Variants in SFRP2 observed in about 807,000 individuals in gnomAD.
SFRP2 encodes secreted frizzled-related protein 2.
SFRP2 carries 16 observed loss-of-function variants against 26.0 expected under a neutral mutation model. That is an observed-to-expected ratio of 0.61 (90% CI 0.42 to 0.93). SFRP2 has a LOEUF of 0.93. Ranked by LOEUF, SFRP2 falls within the 40% of genes least tolerant of loss-of-function variation. The pLI, the probability that SFRP2 is intolerant of heterozygous loss-of-function variation, is 0.00. For synonymous variants in SFRP2, 173 were observed against 167.3 expected (o/e 1.03, Z -0.26); for missense variants, 343 against 392.4 (o/e 0.87, Z 1.06).
chr4:153,784,422 T>C (rs1306920487), intron 2 of SFRP2, among the ~76,000 whole-genome samples: 3 of 152,310 alleles, frequency 2.0e-5, no homozygotes, highest in East Asian at 1.9e-4. Context: ...TCAGCCCCAT[T>C]TGTGGCTCCT....
At chr4:153,785,554 C>CGAAAA (rs1553961249) in intron 2 of SFRP2, among the ~76,000 whole-genome samples, 1 of 46,470 alleles carries the variant, frequency 2.2e-5, no homozygotes, top group Non-Finnish European at 3.9e-5. Context: ...TGCCTGTCGG[C>CGAAAA]AAAAAAAAAA....
At chr4:153,785,828 G>T in intron 2 of SFRP2, 36 bp downstream of exon 2, 1 of 1,354,244 alleles carries the variant, frequency 7.4e-7, no homozygotes, top group Non-Finnish European at 1.0e-6. Context: ...TAAAACTTCT[G>T]AATGTGAAAT....
intron 1 of SFRP2, 35 bp downstream of exon 1, chr4:153,788,299 C>T (rs1741246242): frequency 5.6e-6 from 9 of 1,593,056 alleles, no homozygotes; most frequent in Admixed American, 3.4e-5. Context: ...CGTCTCAGCC[C>T]AGCAGGGAGT....
rs758736793 is a variant in SFRP2 at position 153,781,442 on chromosome 4, A to G, written c.*9T>C. On this transcript the variant is annotated 3_prime_UTR_variant, in exon 3 of 3. Transcript: ENST00000274063. ...GAGCAGGCCTGTCGGAGCCATCAGG[A>G]TGCCGGGACTAGCACTGCAGCTTGC... 1.9e-6 allele frequency: 3 copies of G among 1,607,268 alleles called. No homozygotes were observed. The South Asian group carries it at 3.3e-5, about 18-fold the overall frequency.
In SFRP2 at chr4:153,789,041, G is replaced by T; in HGVS notation, c.-206C>A. 2 of 544,364 alleles carry T rather than the reference G, an allele frequency of 3.7e-6. No homozygotes were observed. Among genetic ancestry groups the T allele is most frequent in the East Asian group, 6.6e-5 (2 of 30,134 alleles). The allele number at this position is 544,364 out of a possible 1,614,324, so 33.7% of individuals were successfully genotyped here. ...CGCTGCAAGCCCGCGCGCAGCTCCG[G>T]GGGGCTCCGACCCGGGGGAGCAGAA... On this transcript the variant is annotated 5_prime_UTR_variant, in exon 1 of 3. Transcript: ENST00000274063.
intron 2 of SFRP2, among the ~76,000 whole-genome samples, chr4:153,783,273 C>G (rs561618144): frequency 6.6e-6 from 1 of 152,290 alleles, no homozygotes; most frequent in East Asian, 1.9e-4. Flanking sequence ...ACTGATTACA[C>G]TTTACCTGGG....
rs1364947491 is a variant in SFRP2 at position 153,788,894 on chromosome 4, C to T, written c.-59G>A. 1.4e-6 allele frequency: 2 copies of T among 1,480,092 alleles called. No homozygotes were observed. Among genetic ancestry groups the T allele is most frequent in the Non-Finnish European group, 8.9e-7 (1 of 1,119,140 alleles). 91.7% of individuals were successfully genotyped at this position (1,480,092 alleles called of 1,614,324 possible). On this transcript the variant is annotated 5_prime_UTR_variant, in exon 1 of 3. Coordinates refer to ENST00000274063, the MANE Select transcript of SFRP2 (RefSeq NM_003013.3). ...CGGAGCCGGGGAAGGGCGAGGCGGC[C>T]GGAGTTCGAGCTTGTCCCGGGCCCG... is the stretch of plus-strand genomic sequence containing the variant.
At chr4:153,782,909 G>A (rs1398499970) in intron 2 of SFRP2, among the ~76,000 whole-genome samples, 1 of 73,764 alleles carries the variant, frequency 1.4e-5, no homozygotes, top group Non-Finnish European at 2.9e-5. Flanking sequence ...GACTTTGATG[G>A]AGTTTAATCT....
rs1741108069 is a variant in SFRP2 at position 153,780,922 on chromosome 4, A to C, written c.*529T>G. ...TTTAAGTTCCCATTGAAGGTATAAA[A>C]TGATGAATTGTTGTAAGACTTAGAC... On this transcript the variant is annotated 3_prime_UTR_variant, in exon 3 of 3. Coordinates refer to ENST00000274063, the MANE Select transcript of SFRP2 (RefSeq NM_003013.3). The C allele has an allele frequency of 6.5e-6, 1 of 153,738 alleles. No individual in the cohort carries two copies. Among genetic ancestry groups the C allele is most frequent in the Non-Finnish European group, 1.5e-5 (1 of 68,750 alleles). The allele number at this position is 153,738 out of a possible 1,614,324, so 9.5% of individuals were successfully genotyped here.
intron 1 of SFRP2, among the ~76,000 whole-genome samples, chr4:153,786,895 C>G (rs1191468582): frequency 2.0e-5 from 3 of 150,604 alleles, no homozygotes; most frequent in African/African-American, 7.3e-5. Flanking sequence ...TTGCCCTTCT[C>G]TCATTTATAA....
intron 2 of SFRP2, among the ~76,000 whole-genome samples, chr4:153,785,163 T>C (rs1741182362): frequency 6.6e-6 from 1 of 152,230 alleles, no homozygotes; most frequent in South Asian, 2.1e-4. Flanking sequence ...AGCTTTTTTT[T>C]TCCTTTTTAA....
chr4:153,785,492 C>T (rs544670811), intron 2 of SFRP2, among the ~76,000 whole-genome samples: 1 of 145,840 alleles, frequency 6.9e-6, no homozygotes, highest in Non-Finnish European at 1.5e-5. Context: ...ATTTACACTT[C>T]CATCCCTGGT....
chr4:153,785,012 A>G (rs1232133555), intron 2 of SFRP2, among the ~76,000 whole-genome samples: 1 of 152,150 alleles, frequency 6.6e-6, no homozygotes, highest in Non-Finnish European at 1.5e-5. Context: ...AGTTCCATGT[A>G]GACAAAGCCC....
rs746191282 is a variant in SFRP2, at chr4:153,788,361, C to T, written c.475G>A (p.Asp159Asn). ...NDLCIPLASS[D>N]HLLPATEEAP... Reference sequence around the variant, plus strand: ...TCCTCGGTGGCTGGCAGGAGGTGGTCGCTGCTAGCGAGGGGGATGCAAAGG... The same window carrying T: ...TCCTCGGTGGCTGGCAGGAGGTGGTTGCTGCTAGCGAGGGGGATGCAAAGG... Residue 159 changes from aspartate (D) to asparagine (N), a missense_variant, in exon 1 of 3, where the codon GAC becomes AAC. This residue lies in a region of SFRP2 where 251 missense variants were observed against 253.3 expected (regional missense o/e 0.99). Coordinates refer to ENST00000274063, the MANE Select transcript of SFRP2 (RefSeq NM_003013.3). The T allele has an allele frequency of 1.2e-6, 2 of 1,611,022 alleles. No homozygotes were observed. The highest frequency in any genetic ancestry group is 1.7e-6 in the Non-Finnish European group (2 of 1,178,228).
At chr4:153,781,804 A>T in intron 2 of SFRP2, 49 bp from the exon 3 acceptor site, 1 of 1,489,336 alleles carries the variant, frequency 6.7e-7, no homozygotes, top group Non-Finnish European at 9.3e-7. Flanking sequence ...GAGGGAATAC[A>T]GTATACCTCC....
chr4:153,782,362 A>G (rs963167408), intron 2 of SFRP2, among the ~76,000 whole-genome samples: 2 of 152,182 alleles, frequency 1.3e-5, no homozygotes, highest in Non-Finnish European at 2.9e-5. Context: ...GTTAGTCATA[A>G]AAGTGTTTTT....
intron 2 of SFRP2, among the ~76,000 whole-genome samples, chr4:153,783,645 T>C (rs1741156813): frequency 6.6e-6 from 1 of 152,162 alleles, no homozygotes; most frequent in Non-Finnish European, 1.5e-5. Flanking sequence ...CATTTTTTAT[T>C]CACCAGTACT....
chr4:153,786,514 G>A (rs1251550246), intron 1 of SFRP2, among the ~76,000 whole-genome samples: 2 of 152,140 alleles, frequency 1.3e-5, no homozygotes, highest in East Asian at 1.9e-4. Context: ...ACTGGCTAGC[G>A]TTCCACATGT....
intron 2 of SFRP2, among the ~76,000 whole-genome samples, chr4:153,785,642 A>G (rs193141580): frequency 4.1e-4 from 61 of 150,496 alleles, no homozygotes; most frequent in African/African-American, 1.4e-3. Flanking sequence ...TATTGGCTTA[A>G]CAGAACAATG....
Sources: allele counts gnomAD v4.1 joint callset (sites outside exome capture counted in the v4.1 genomes callset), GRCh38; gene constraint gnomAD v4.1.1; regional missense constraint gnomAD v4.1.1; transcripts MANE v1.5; gene names NCBI Gene and HGNC (gene_info 2026-07-23, HGNC 2026-07-21).